Variants in PTPRQ observed in about 807,000 individuals in gnomAD.
PTPRQ encodes the protein phosphatidylinositol phosphatase PTPRQ.
Under a neutral mutation model 246.0 loss-of-function variants are expected in PTPRQ, and 199 were observed. The ratio of observed to expected loss-of-function variants is 0.81; its 90% confidence interval spans 0.72 to 0.91. PTPRQ has a LOEUF of 0.91. PTPRQ is among the 40% of genes least tolerant of loss of function. The probability of loss-of-function intolerance (pLI) is 0.00; values close to 1 mark genes in which losing one functional copy is unlikely to be tolerated. For missense variants in PTPRQ, 2,624 were observed against 2,528.4 expected (o/e 1.04, Z -0.81); for synonymous variants, 869 against 853.2 (o/e 1.02, Z -0.32).
At chr12:80,657,165 T>C (rs1372327397) in intron 38 of PTPRQ, among the ~76,000 whole-genome samples, 5 of 151,836 alleles carry the variant, frequency 3.3e-5, no homozygotes, top group Non-Finnish European at 7.4e-5. Context: ...GTTTTTAACA[T>C]ACTTTTTTTA....
chr12:80,668,344 A>G (rs755188595), intron 39 of PTPRQ, among the ~76,000 whole-genome samples: 12 of 151,904 alleles, frequency 7.9e-5, no homozygotes, highest in Admixed American at 3.3e-4. Context: ...CTCATGTCCT[A>G]TGAGTTTACT....
Position 80,622,484 on chromosome 12 carries a change from C to G in PTPRQ, c.5686+350C>G, listed in dbSNP as rs1161728692. 2.6e-5 allele frequency among the ~76,000 whole-genome samples: 4 copies of G among 151,970 alleles called. No homozygotes were observed. In the Admixed American group the frequency reaches 2.6e-4, roughly 10 times the overall value. On this transcript the variant is annotated intron_variant, in intron 33 of 44. Transcript: ENST00000644991. Reference sequence around the variant, plus strand: ...TGGTGGTGGTGCATGCTACTGGCATCTAGTGGGCAAAGATTAGGAATGCTG... The same window carrying G: ...TGGTGGTGGTGCATGCTACTGGCATGTAGTGGGCAAAGATTAGGAATGCTG...
intron 25 of PTPRQ, among the ~76,000 whole-genome samples, chr12:80,558,578 G>A (rs1049902601): frequency 2.0e-5 from 3 of 149,356 alleles, no homozygotes; most frequent in Non-Finnish European, 4.4e-5. Context: ...TAGAAATAAA[G>A]CTTCTATAAA....
intron 26 of PTPRQ, among the ~76,000 whole-genome samples, chr12:80,600,580 G>A (rs1178057802): frequency 1.3e-5 from 2 of 151,648 alleles, no homozygotes; most frequent in African/African-American, 4.8e-5. Context: ...ATGATGTCTG[G>A]GCAACGATAA....
At chr12:80,447,808 T>C (rs573459016) in intron 3 of PTPRQ, among the ~76,000 whole-genome samples, 1 of 151,846 alleles carries the variant, frequency 6.6e-6, no homozygotes, top group East Asian at 1.9e-4. Flanking sequence ...TATAGCTTTG[T>C]AGTATAATTC....
chr12:80,456,951 C>T (rs761388194), intron 3 of PTPRQ, among the ~76,000 whole-genome samples: 4 of 152,094 alleles, frequency 2.6e-5, no homozygotes, highest in Non-Finnish European at 5.9e-5. Flanking sequence ...GGTAGAACTA[C>T]AGTTAAGCCA....
Position 80,605,184 on chromosome 12 carries a change from A to C in PTPRQ, c.4731+4A>C. 5.2e-6 allele frequency: 8 copies of C among 1,540,462 alleles called. No homozygotes were observed. The highest frequency in any genetic ancestry group is 7.0e-6 in the Non-Finnish European group (8 of 1,141,002). On this transcript the variant is annotated splice_donor_region_variant and intron_variant, in intron 27 of 44. Coordinates refer to ENST00000644991, the MANE Select transcript of PTPRQ (RefSeq NM_001145026.2). ...TTATCTGATTGATGTCAAATCGGTA[A>C]GGCATGTCTTACCTTCTGTAAAAGC...
rs1892484493 is a variant in PTPRQ, at chr12:80,444,286, A to G, written c.-60A>G. On this transcript the variant is annotated 5_prime_UTR_variant, in exon 1 of 45. Coordinates refer to ENST00000644991, the MANE Select transcript of PTPRQ (RefSeq NM_001145026.2). ...GGATCTGTCTTTAAATCATTAATGC[A>G]GGCAACATTTCTCTCTAGAGCCATC... 3 of 845,218 alleles carry G rather than the reference A, an allele frequency of 3.5e-6. No individual in the cohort carries two copies. Among genetic ancestry groups the G allele is most frequent in the Non-Finnish European group, 3.9e-6 (2 of 511,588 alleles). 52.4% of individuals were successfully genotyped at this position (845,218 alleles called of 1,614,324 possible).
chr12:80,662,338 T>G (rs1900658449), intron 39 of PTPRQ, among the ~76,000 whole-genome samples: 1 of 151,984 alleles, frequency 6.6e-6, no homozygotes, highest in Admixed American at 6.6e-5. Flanking sequence ...AAATTACTTT[T>G]TTAGCATGTA....
chr12:80,576,043 A>G (rs1897271899), intron 25 of PTPRQ, among the ~76,000 whole-genome samples: 2 of 151,876 alleles, frequency 1.3e-5, no homozygotes, highest in South Asian at 4.1e-4. Context: ...AACAATCCCA[A>G]TTCTTTCTTT....
At position 80,475,937 on chromosome 12, in the gene PTPRQ, T is replaced by G. The variant is rs55774833; in HGVS notation, c.1186+3686T>G. ...GTTTTCTGCTGTCCTGCATAATATT[T>G]GATATCTAACACATTAGTGTGTTGC... On this transcript the variant is annotated intron_variant, in intron 8 of 44. Coordinates refer to ENST00000644991, the MANE Select transcript of PTPRQ (RefSeq NM_001145026.2). 6.7e-3 allele frequency among the ~76,000 whole-genome samples: 1,016 copies of G among 152,228 alleles called. 12 individuals are homozygous for G. The highest frequency in any genetic ancestry group is 0.023 in the African/African-American group (962 of 41,554).
chr12:80,668,879 C>T (rs1343864726), intron 39 of PTPRQ, 128 bp from the exon 40 acceptor site: 1 of 1,237,380 alleles, frequency 8.1e-7, no homozygotes, highest in Admixed American at 3.5e-5. Flanking sequence ...TTAAGATTAT[C>T]TAGTATTTAC....
chr12:80,609,283 G>A (rs911628631), intron 27 of PTPRQ, among the ~76,000 whole-genome samples: 1 of 150,374 alleles, frequency 6.7e-6, no homozygotes, highest in African/African-American at 2.4e-5. Context: ...ATCAATGTGT[G>A]TTTCGCCATA....
At chr12:80,481,368 C>G (rs138195121) in intron 8 of PTPRQ, among the ~76,000 whole-genome samples, 1 of 152,068 alleles carries the variant, frequency 6.6e-6, no homozygotes, top group Admixed American at 6.6e-5. Context: ...ATTGATGGGA[C>G]GTATTTCAAA....
chr12:80,527,875 C>T (rs1895734929), intron 17 of PTPRQ, among the ~76,000 whole-genome samples: 1 of 152,132 alleles, frequency 6.6e-6, no homozygotes, highest in Non-Finnish European at 1.5e-5. Flanking sequence ...GGGCAGATGG[C>T]TTGAACCCAG....
intron 17 of PTPRQ, among the ~76,000 whole-genome samples, chr12:80,529,058 G>C (rs1284083110): frequency 6.6e-6 from 1 of 152,136 alleles, no homozygotes; most frequent in Non-Finnish European, 1.5e-5. Context: ...ACAGCTTTAG[G>C]AATGTGCAAC....
At chr12:80,503,479 A>G (rs1426792038) in intron 14 of PTPRQ, among the ~76,000 whole-genome samples, 1 of 151,846 alleles carries the variant, frequency 6.6e-6, no homozygotes, top group African/African-American at 2.4e-5. Context: ...GGGGAGGGAC[A>G]CTGTATCTAC....
intron 17 of PTPRQ, among the ~76,000 whole-genome samples, chr12:80,527,918 A>AC (rs1247556276): frequency 6.6e-6 from 1 of 152,100 alleles, no homozygotes; most frequent in Non-Finnish European, 1.5e-5. Flanking sequence ...CCATGGTGAG[A>AC]CCCCATCTCT....
intron 25 of PTPRQ, among the ~76,000 whole-genome samples, chr12:80,578,366 A>G (rs1306586950): frequency 6.6e-6 from 1 of 151,310 alleles, no homozygotes; most frequent in African/African-American, 2.4e-5. Flanking sequence ...AAAAATCAGA[A>G]TGGGAAAAAA....
Sources: allele counts gnomAD v4.1 joint callset (sites outside exome capture counted in the v4.1 genomes callset), GRCh38; gene constraint gnomAD v4.1.1; transcripts MANE v1.5; gene names NCBI Gene and HGNC (gene_info 2026-07-23, HGNC 2026-07-21).